Variants in WASF3 observed in about 807,000 individuals in gnomAD.
WASF3 encodes WASP family member 3, also known as actin-binding protein WASF3.
WASF3 carries 11 observed loss-of-function variants against 46.6 expected under a neutral mutation model. The ratio of observed to expected loss-of-function variants is 0.24; its 90% CI spans 0.15 to 0.39. The LOEUF (loss-of-function observed/expected upper bound fraction) is 0.39, where lower values mean the gene tolerates loss of function less well. Among genes scored for constraint, WASF3 ranks in the 10% least tolerant of loss-of-function variants. The pLI is 1.00. For synonymous variants in WASF3, 242 were observed against 259.7 expected (o/e 0.93, Z 0.65); for missense variants, 576 against 669.8 (o/e 0.86, Z 1.55).
At chr13:26,652,590 C>A (rs1376272267) in intron 3 of WASF3, among the ~76,000 whole-genome samples, 1 of 152,044 alleles carries the variant, frequency 6.6e-6, no homozygotes, top group Admixed American at 6.5e-5. Flanking sequence ...GAAACATACA[C>A]CAAAACGGGA....
At chr13:26,614,302 C>T (rs1341053454) in intron 2 of WASF3, among the ~76,000 whole-genome samples, 1 of 152,076 alleles carries the variant, frequency 6.6e-6, no homozygotes, top group Non-Finnish European at 1.5e-5. Flanking sequence ...GGTAATTTTT[C>T]AGGAATGTAT....
At position 26,621,116 on chromosome 13, in the gene WASF3, C is replaced by G. The variant is rs558888286; in HGVS notation, c.-11+8058C>G. Among the ~76,000 whole-genome samples, 147 of 152,254 alleles carry G rather than the reference C, an allele frequency of 9.7e-4. 1 individual carries two copies. The highest frequency in any genetic ancestry group is 4.1e-3 in the South Asian group (20 of 4,824). On this transcript the variant is annotated intron_variant, in intron 2 of 9. Transcript: ENST00000335327. ...GTGATGCCGTGTCATCTCCCATTCCCCACTGAGAATGGAGTATTTCTAGTT... is the reference window on the plus strand; with the variant it reads ...GTGATGCCGTGTCATCTCCCATTCCGCACTGAGAATGGAGTATTTCTAGTT...
Position 26,580,464 on chromosome 13 carries a change from A to G in WASF3, c.-109+22645A>G, listed in dbSNP as rs74040609. Among the ~76,000 whole-genome samples, 945 of 152,232 alleles carry G rather than the reference A, an allele frequency of 6.2e-3. 11 individuals are homozygous for G. Among genetic ancestry groups the G allele is most frequent in the African/African-American group, 0.022 (903 of 41,530 alleles). On this transcript the variant is annotated intron_variant, in intron 1 of 9. Coordinates refer to ENST00000335327, the MANE Select transcript of WASF3 (RefSeq NM_006646.6). Reference sequence around the variant, plus strand: ...CTAAAACTCGACAAGCATTAGATTAATATTTCTTTTGTAGGTCCAATTAGC... The same window carrying G: ...CTAAAACTCGACAAGCATTAGATTAGTATTTCTTTTGTAGGTCCAATTAGC...
At chr13:26,658,004 G>A (rs149396633) in intron 3 of WASF3, among the ~76,000 whole-genome samples, 4 of 152,242 alleles carry the variant, frequency 2.6e-5, no homozygotes, top group Admixed American at 6.5e-5. Flanking sequence ...GTTAGGCATC[G>A]GACCTAGAAG....
At chr13:26,546,668 C>T in the WASF3 span, among the ~76,000 whole-genome samples, 2 of 152,084 alleles carry the variant, frequency 1.3e-5, no homozygotes, top group Admixed American at 6.5e-5. Flanking sequence ...GCCGAGATCG[C>T]GGCACTGCAC....
intron 1 of WASF3, among the ~76,000 whole-genome samples, chr13:26,558,353 G>A (rs78061125): frequency 0.027 from 4,115 of 152,288 alleles, 74 homozygotes; most frequent in Non-Finnish European, 0.043. Context: ...CGTGCGTGTT[G>A]GTTGCGGGCG....
At chr13:26,627,788 A>G (rs1881514282) in intron 2 of WASF3, among the ~76,000 whole-genome samples, 1 of 151,908 alleles carries the variant, frequency 6.6e-6, no homozygotes, top group South Asian at 2.1e-4. Context: ...CTAATGCTAG[A>G]TGACGAGTTA....
At chr13:26,647,253 A>G (rs1882178133) in intron 3 of WASF3, among the ~76,000 whole-genome samples, 1 of 152,200 alleles carries the variant, frequency 6.6e-6, no homozygotes, top group Non-Finnish European at 1.5e-5. Flanking sequence ...ATTTTTTTTA[A>G]GTCTGTTTTA....
chr13:26,627,065 A>G (rs1881487195), intron 2 of WASF3, among the ~76,000 whole-genome samples: 1 of 152,204 alleles, frequency 6.6e-6, no homozygotes. Context: ...TTCTTTAATC[A>G]TTTGGCTTTA....
the WASF3 span, among the ~76,000 whole-genome samples, chr13:26,551,582 A>C: frequency 5.9e-5 from 9 of 152,200 alleles, no homozygotes; most frequent in Non-Finnish European, 1.2e-4. Flanking sequence ...TAACCGTGGC[A>C]ATAAAGCCAT....
the WASF3 span, among the ~76,000 whole-genome samples, chr13:26,545,590 G>T: frequency 6.6e-6 from 1 of 152,002 alleles, no homozygotes; most frequent in African/African-American, 2.4e-5. Context: ...TCCTATCTCT[G>T]TTTATTTATG....
chr13:26,564,105 A>T (rs1317051436), intron 1 of WASF3, among the ~76,000 whole-genome samples: 1 of 152,196 alleles, frequency 6.6e-6, no homozygotes, highest in Non-Finnish European at 1.5e-5. Flanking sequence ...ACATGTTTGT[A>T]TGCCAACTAT....
At chr13:26,646,448 T>C (rs1320723240) in intron 3 of WASF3, among the ~76,000 whole-genome samples, 1 of 152,194 alleles carries the variant, frequency 6.6e-6, no homozygotes, top group African/African-American at 2.4e-5. Flanking sequence ...CTTTGGGTAC[T>C]TACCCGGCCA....
In WASF3 at chr13:26,679,111, C is replaced by T. The variant is rs1240835379; in HGVS notation, c.717-1943C>T. On this transcript the variant is annotated intron_variant, in intron 7 of 9. Coordinates refer to ENST00000335327, the MANE Select transcript of WASF3 (RefSeq NM_006646.6). The surrounding 1 kb of genome is among the most constrained non-coding windows in gnomAD (Gnocchi z 4.8). ...GTGTCAGTGTCGCCTCTGGCCCTCC[C>T]AGTCCTCTCTTCTGTAATAGGTGAT... is the stretch of plus-strand genomic sequence containing the variant. Among the ~76,000 whole-genome samples the T allele has an allele frequency of 6.6e-6, 1 of 151,298 alleles. No individual in the cohort carries two copies. The highest frequency in any genetic ancestry group is 2.5e-5 in the African/African-American group (1 of 40,582).
chr13:26,611,724 A>C (rs1020505164), intron 1 of WASF3, among the ~76,000 whole-genome samples: 33 of 152,204 alleles, frequency 2.2e-4, no homozygotes, highest in Admixed American at 2.1e-3. Flanking sequence ...ACTCAGCATC[A>C]AGAGCATGCA....
In WASF3 at chr13:26,646,453, C is replaced by T. The variant is rs376710257; in HGVS notation, c.133+4050C>T. 3.3e-5 allele frequency among the ~76,000 whole-genome samples: 5 copies of T among 152,060 alleles called. No individual in the cohort carries two copies. The East Asian group carries it at 5.8e-4, about 18-fold the overall frequency. On this transcript the variant is annotated intron_variant, in intron 3 of 9. Transcript: ENST00000335327. Reference sequence around the variant, plus strand: ...TTTTAAATTCCTTTGGGTACTTACCCGGCCATTATTCAGTGGGTCCAAATG... The same window carrying T: ...TTTTAAATTCCTTTGGGTACTTACCTGGCCATTATTCAGTGGGTCCAAATG...
chr13:26,636,590 G>A (rs1035750741), intron 2 of WASF3, among the ~76,000 whole-genome samples: 26 of 152,220 alleles, frequency 1.7e-4, no homozygotes, highest in African/African-American at 2.7e-4. Flanking sequence ...CATCTTCTGC[G>A]TCGATCATGC....
At chr13:26,633,216 T>TTTTTTTC in intron 2 of WASF3, among the ~76,000 whole-genome samples, 1 of 147,560 alleles carries the variant, frequency 6.8e-6, no homozygotes, top group African/African-American at 2.5e-5. Context: ...TTTTTTTTTT[T>TTTTTTTC]CTTGAGGCAG....
In WASF3 at chr13:26,688,218, A is replaced by G. The variant is rs935472265; in HGVS notation, c.*2373A>G. On this transcript the variant is annotated 3_prime_UTR_variant, in exon 10 of 10. Coordinates refer to ENST00000335327, the MANE Select transcript of WASF3 (RefSeq NM_006646.6). Reference sequence around the variant, plus strand: ...AAATCCAGATCTTTTCTAATATGGTATTACAATGAAAAGAATAAAGAGAAG... The same window carrying G: ...AAATCCAGATCTTTTCTAATATGGTGTTACAATGAAAAGAATAAAGAGAAG... 4 of 152,256 alleles carry G rather than the reference A, an allele frequency of 2.6e-5. No homozygotes were observed. The highest frequency in any genetic ancestry group is 9.6e-5 in the African/African-American group (4 of 41,472). 9.4% of individuals were successfully genotyped at this position (152,256 alleles called of 1,614,324 possible). A position where few individuals can be genotyped will look rare whatever the true frequency, so the allele number is the denominator to read the frequency against.
Sources: allele counts gnomAD v4.1 joint callset (sites outside exome capture counted in the v4.1 genomes callset), GRCh38; gene constraint gnomAD v4.1.1; non-coding constraint Gnocchi (gnomAD v3.1); transcripts MANE v1.5; gene names NCBI Gene and HGNC (gene_info 2026-07-23, HGNC 2026-07-21).